ATP5ME: variants seen among roughly 807,000 people sequenced by gnomAD.
ATP5ME encodes ATP synthase F(0) complex subunit e, mitochondrial.
A neutral mutation model predicts 11.6 loss-of-function variants in ATP5ME; 10 were observed. The observed-to-expected ratio is 0.86, with a 90% CI of 0.53 to 1.46. The LOEUF (loss-of-function observed/expected upper bound fraction) is 1.46, where lower values mean the gene tolerates loss of function less well. Among genes scored for constraint, ATP5ME ranks in the 40% most tolerant of loss-of-function variants. The pLI, the probability that ATP5ME is intolerant of heterozygous loss-of-function variation, is 0.00. For synonymous variants in ATP5ME, 45 were observed against 33.5 expected (o/e 1.34, Z -1.19); for missense variants, 115 against 85.4 (o/e 1.35, Z -1.37).
rs761188110 is a variant in ATP5ME, at chr4:672,483, G to A, written c.*17C>T. 33 of 1,613,900 alleles carry A rather than the reference G, an allele frequency of 2.0e-5. 1 individual carries two copies. The South Asian group carries it at 3.2e-4, about 16-fold the overall frequency. On this transcript the variant is annotated 3_prime_UTR_variant, in exon 4 of 4. Transcript: ENST00000304312. ...TATTCATCCGCTGCTGGTCCAAAGA[G>A]TGGGTCGCAGGGTCACTCACTTTAA...
At chr4:673,882 C>T in intron 2 of ATP5ME, 30 bp downstream of exon 2, 1 of 1,544,996 alleles carries the variant, frequency 6.5e-7, no homozygotes, top group Non-Finnish European at 8.7e-7. Flanking sequence ...CCGAGCAGAC[C>T]CCGCCCCGGC....
At chr4:673,786 G>T in intron 2 of ATP5ME, 126 bp downstream of exon 2, 1 of 1,313,212 alleles carries the variant, frequency 7.6e-7, no homozygotes, top group Non-Finnish European at 1.1e-6. Context: ...GCTCGGTGGA[G>T]GACACGGTCC....
intron 1 of ATP5ME, 52 bp from the exon 2 acceptor site, chr4:674,018 G>T: frequency 6.5e-7 from 1 of 1,533,570 alleles, no homozygotes; most frequent in South Asian, 1.2e-5. Flanking sequence ...GCGGGACGGG[G>T]GTCGCGGGAG....
intron 3 of ATP5ME, 32 bp from the exon 4 acceptor site, chr4:672,551 G>A: frequency 6.2e-7 from 1 of 1,609,534 alleles, no homozygotes; most frequent in Non-Finnish European, 8.5e-7. Flanking sequence ...AAAAGCACAT[G>A]TTACCACTCA....
At position 673,286 on chromosome 4, in the gene ATP5ME, G is replaced by A. The variant is rs756511791; in HGVS notation, c.190+17C>T. On this transcript the variant is annotated intron_variant, in intron 3 of 3. Coordinates refer to ENST00000304312, the MANE Select transcript of ATP5ME (RefSeq NM_007100.4). ...AACCTGGGAGGGACAATCTATAAGA[G>A]CCAGTGTCACTCGTACCTTCTGCCA... The A allele has an allele frequency of 6.2e-7, 1 of 1,614,150 alleles. No individual in the cohort carries two copies. Among genetic ancestry groups the A allele is most frequent in the South Asian group, 1.1e-5 (1 of 91,084 alleles).
intron 3 of ATP5ME, 81 bp from the exon 4 acceptor site, chr4:672,600 T>A (rs770676768): frequency 4.3e-4 from 504 of 1,174,072 alleles, no homozygotes; most frequent in Non-Finnish European, 5.3e-4. Flanking sequence ...CCAGTTATTT[T>A]TTTTTTTTTT....
intron 1 of ATP5ME, 50 bp downstream of exon 1, chr4:674,162 G>A (rs1738667660): frequency 8.3e-7 from 1 of 1,198,226 alleles, no homozygotes; most frequent in Non-Finnish European, 1.1e-6. Flanking sequence ...TGCGGGGCGG[G>A]ACACGGGGGG....
chr4:674,079 G>T, intron 1 of ATP5ME, 113 bp from the exon 2 acceptor site: 1 of 1,455,170 alleles, frequency 6.9e-7, no homozygotes, highest in Non-Finnish European at 9.2e-7. Flanking sequence ...TGGGGGTCCG[G>T]TCGCCGGGCG....
chr4:673,074 G>A (rs1738599784), intron 3 of ATP5ME, among the ~76,000 whole-genome samples: 1 of 152,222 alleles, frequency 6.6e-6, no homozygotes, highest in Non-Finnish European at 1.5e-5. Flanking sequence ...TGTAGAGACA[G>A]GGTTGCACCA....
rs1337633197 is a variant in ATP5ME, at chr4:672,518, A to G, written c.192T>C (p.Asp64=). The change falls in exon 4 of 4, where the codon GAT becomes GAC. Residue 64 remains aspartate, a splice_region_variant and synonymous_variant. Transcript: ENST00000304312. ...GGGTCACTCACTTTAATATGCTGTC[A>G]TCTTGGGCCGGAAGGTTAGAAGAAA... ...LKRIARELAE[D]DSILK 1 of 1,613,912 alleles carries G rather than the reference A, an allele frequency of 6.2e-7. No individual in the cohort carries two copies. Among genetic ancestry groups the G allele is most frequent in the Non-Finnish European group, 8.5e-7 (1 of 1,179,974 alleles).
intron 2 of ATP5ME, chr4:673,674 C>T: frequency 1.3e-6 from 1 of 760,024 alleles, no homozygotes; most frequent in Non-Finnish European, 2.1e-6. Context: ...CTCGAACAGC[C>T]ATTTAGCACC....
chr4:673,171 C>A, intron 3 of ATP5ME, 132 bp downstream of exon 3: 2 of 1,424,532 alleles, frequency 1.4e-6, no homozygotes, highest in Non-Finnish European at 1.9e-6. Flanking sequence ...GCATGAGCCA[C>A]CACGCCTGGC....
chr4:672,596 AT>A (rs367766081), intron 3 of ATP5ME, 77 bp from the exon 4 acceptor site: 209,326 of 1,109,346 alleles, frequency 0.19, 17 homozygotes, highest in East Asian at 0.26. Context: ...CTTCCCAGTT[AT>A]TTTTTTTTTT....
chr4:672,906 C>T (rs1738593381), intron 3 of ATP5ME, among the ~76,000 whole-genome samples: 2 of 152,236 alleles, frequency 1.3e-5, no homozygotes, highest in African/African-American at 4.8e-5. Context: ...TGCCACCATG[C>T]CCGGCTGATT....
At chr4:672,932 G>C (rs1271697017) in intron 3 of ATP5ME, among the ~76,000 whole-genome samples, 1 of 152,196 alleles carries the variant, frequency 6.6e-6, no homozygotes, top group Non-Finnish European at 1.5e-5. Flanking sequence ...TATTTTAGTA[G>C]AAATGGGGTT....
intron 1 of ATP5ME, 106 bp downstream of exon 1, chr4:674,106 G>T: frequency 2.0e-6 from 2 of 977,688 alleles, no homozygotes; most frequent in Non-Finnish European, 2.8e-6. Context: ...ACGGGGCGAG[G>T]ATCATGGGGG....
At chr4:673,753 G>T in intron 2 of ATP5ME, 159 bp downstream of exon 2, 1 of 1,116,166 alleles carries the variant, frequency 9.0e-7, no homozygotes, top group Non-Finnish European at 1.3e-6. Context: ...CTTTGGGTGA[G>T]CTGATTCCAC....
rs1478125634 is a variant in ATP5ME, at chr4:673,983, T to C, written c.37-17A>G. The C allele has an allele frequency of 6.5e-7, 1 of 1,542,688 alleles. No homozygotes were observed. The highest frequency in any genetic ancestry group is 8.7e-7 in the Non-Finnish European group (1 of 1,146,416). On this transcript the variant is annotated splice_polypyrimidine_tract_variant and intron_variant, in intron 1 of 3. Transcript: ENST00000304312. ...GCGGCCGAGCTGCGAAAGAGGTTGG[T>C]CAGAGGCGGCGCGAAACGGGGCTCG...
chr4:673,991 G>A, intron 1 of ATP5ME, 25 bp from the exon 2 acceptor site: 3 of 1,542,388 alleles, frequency 1.9e-6, no homozygotes, highest in South Asian at 2.4e-5. Context: ...GGTCAGAGGC[G>A]GCGCGAAACG....
Sources: gnomAD v4.1 joint callset for allele counts (sites outside exome capture counted in the v4.1 genomes callset) on GRCh38, gnomAD v4.1.1 for gene constraint, MANE v1.5 for transcripts, NCBI Gene and HGNC (gene_info 2026-07-23, HGNC 2026-07-21) for gene names.